The following MPZL1 variants were observed in gnomAD, a reference collection of about 807,000 sequenced individuals.
MPZL1 encodes the protein myelin protein zero like 1, also known as myelin protein zero-like protein 1.
In MPZL1, 16 loss-of-function variants were observed where a neutral mutation model predicts 29.3. The observed-to-expected ratio is 0.55, with a 90% confidence interval of 0.37 to 0.83. MPZL1 has a LOEUF of 0.83. MPZL1 is among the 40% of genes least tolerant of loss of function. The pLI is 0.00. For synonymous variants in MPZL1, 143 were observed against 132.0 expected (o/e 1.08, Z -0.57); for missense variants, 279 against 332.9 (o/e 0.84, Z 1.26).
chr1:167,788,599 G>C lies in MPZL1; in HGVS notation c.*678G>C, dbSNP rs1466107161. 1 of 152,226 alleles carries C rather than the reference G, an allele frequency of 6.6e-6. No homozygotes were observed. The highest frequency in any genetic ancestry group is 1.5e-5 in the Non-Finnish European group (1 of 68,064). 9.4% of individuals were successfully genotyped at this position (152,226 alleles called of 1,614,324 possible). A position where few individuals can be genotyped will look rare whatever the true frequency, so the allele number is the denominator to read the frequency against. On this transcript the variant is annotated 3_prime_UTR_variant, in exon 6 of 6. Transcript: ENST00000359523. ...TCAATTTCTGGATTCATAATAGCAA[G>C]ATTAGCAAAGGATAAATGCCGAAGG...
intron 5 of MPZL1, among the ~76,000 whole-genome samples, chr1:167,786,633 C>A (rs1661599300): frequency 6.6e-6 from 1 of 152,224 alleles, no homozygotes; most frequent in Non-Finnish European, 1.5e-5. Flanking sequence ...ATAGCCCTTA[C>A]AACTGGGCCT....
intron 5 of MPZL1, among the ~76,000 whole-genome samples, chr1:167,786,093 G>A (rs577024016): frequency 5.3e-5 from 8 of 152,264 alleles, no homozygotes; most frequent in East Asian, 1.9e-4. Context: ...ACACCCGGCC[G>A]AAAACAGTCT....
In MPZL1 at chr1:167,777,384, A is replaced by G. The variant is rs141202812; in HGVS notation, c.708+1218A>G. Among the ~76,000 whole-genome samples the G allele has an allele frequency of 2.6e-4, 39 of 152,312 alleles. No individual in the cohort carries two copies. The East Asian group carries it at 4.2e-3, about 17-fold the overall frequency. On this transcript the variant is annotated intron_variant, in intron 5 of 5. Coordinates refer to ENST00000359523, the MANE Select transcript of MPZL1 (RefSeq NM_003953.6). ...ATGCAGCACTGTCATCCCCAAAAGA[A>G]AGGAAACAGACAATGTGAGCCGTGT...
chr1:167,732,902 C>T (rs10918750), intron 1 of MPZL1, among the ~76,000 whole-genome samples: 51,612 of 152,066 alleles, frequency 0.34, 9,509 homozygotes, highest in African/African-American at 0.49. Flanking sequence ...TTTTGGTCCA[C>T]AAAGCTAGTG....
rs575937097 is a variant in MPZL1 at position 167,790,867 on chromosome 1, G to A, written c.*2946G>A. 2.0e-5 allele frequency: 3 copies of A among 152,264 alleles called. No individual in the cohort carries two copies. In the East Asian group the frequency reaches 5.8e-4, roughly 29 times the overall value. The allele number at this position is 152,264 out of a possible 1,614,324, so 9.4% of individuals were successfully genotyped here. A position where few individuals can be genotyped will look rare whatever the true frequency, so the allele number is the denominator to read the frequency against. On this transcript the variant is annotated 3_prime_UTR_variant, in exon 6 of 6. Transcript: ENST00000359523. ...TTGACCAGAATAGAAAAAGAGATAT[G>A]CCTTTCACTCATATCATTCCAGCTA...
chr1:167,777,967 A>G (rs1661407120), intron 5 of MPZL1, among the ~76,000 whole-genome samples: 1 of 152,250 alleles, frequency 6.6e-6, no homozygotes. Context: ...AACACGCTTT[A>G]TGCTACAACA....
At chr1:167,733,325 C>T (rs952067491) in intron 1 of MPZL1, among the ~76,000 whole-genome samples, 2 of 152,176 alleles carry the variant, frequency 1.3e-5, no homozygotes, top group Admixed American at 6.5e-5. Context: ...ACTGCATTTA[C>T]GTGTCCCAAT....
chr1:167,742,107 A>G (rs1208379442), intron 1 of MPZL1, among the ~76,000 whole-genome samples: 1 of 151,980 alleles, frequency 6.6e-6, no homozygotes, highest in Admixed American at 6.6e-5. Flanking sequence ...AGCCTGGCCA[A>G]CATGGCAAAA....
chr1:167,756,117 G>A (rs917755378), intron 1 of MPZL1, among the ~76,000 whole-genome samples: 3 of 152,094 alleles, frequency 2.0e-5, no homozygotes, highest in Non-Finnish European at 2.9e-5. Context: ...AATTGACTCC[G>A]AGAGGGATTT....
intron 1 of MPZL1, among the ~76,000 whole-genome samples, chr1:167,739,455 G>C (rs1349949303): frequency 6.6e-6 from 1 of 151,634 alleles, no homozygotes; most frequent in Non-Finnish European, 1.5e-5. Flanking sequence ...GTGTTACCAT[G>C]CTTTGTTGGT....
intron 5 of MPZL1, among the ~76,000 whole-genome samples, chr1:167,779,392 C>G (rs1661444008): frequency 6.6e-6 from 1 of 151,912 alleles, no homozygotes; most frequent in African/African-American, 2.4e-5. Context: ...CGAAACCAGC[C>G]TGGCCAACGT....
At chr1:167,769,596 G>A (rs897682633) in intron 2 of MPZL1, among the ~76,000 whole-genome samples, 6 of 152,178 alleles carry the variant, frequency 3.9e-5, no homozygotes, top group East Asian at 1.9e-4. Flanking sequence ...ACAGGAGTCC[G>A]TGTCTTCTGT....
intron 2 of MPZL1, among the ~76,000 whole-genome samples, chr1:167,768,192 C>CT (rs1558121665): frequency 2.0e-5 from 3 of 152,152 alleles, no homozygotes; most frequent in Non-Finnish European, 4.4e-5. Context: ...ACCTAGATTC[C>CT]CATTGTGGAC....
intron 1 of MPZL1, among the ~76,000 whole-genome samples, chr1:167,755,167 C>G (rs1224738635): frequency 6.6e-6 from 1 of 152,126 alleles, no homozygotes; most frequent in Non-Finnish European, 1.5e-5. Flanking sequence ...TTTCAGTAGG[C>G]ATCAGTATTT....
intron 2 of MPZL1, among the ~76,000 whole-genome samples, chr1:167,766,295 G>A (rs1661112942): frequency 6.6e-6 from 1 of 152,148 alleles, no homozygotes; most frequent in Non-Finnish European, 1.5e-5. Flanking sequence ...TAAGATAAAG[G>A]ATGTAACAGA....
At chr1:167,740,914 A>G (rs777834624) in intron 1 of MPZL1, among the ~76,000 whole-genome samples, 2 of 152,136 alleles carry the variant, frequency 1.3e-5, no homozygotes, top group Non-Finnish European at 2.9e-5. Context: ...CCCATGTCCA[A>G]TCTAATAGCA....
At chr1:167,775,428 A>G (rs1039945216) in intron 4 of MPZL1, among the ~76,000 whole-genome samples, 11 of 152,292 alleles carry the variant, frequency 7.2e-5, no homozygotes, top group African/African-American at 2.6e-4. Context: ...CATTTATGAG[A>G]TAGTGCTTGT....
intron 1 of MPZL1, among the ~76,000 whole-genome samples, chr1:167,748,861 A>G (rs1660701368): frequency 6.6e-6 from 1 of 152,204 alleles, no homozygotes; most frequent in South Asian, 2.1e-4. Flanking sequence ...TTCCAGCACT[A>G]AAGAACTTCC....
intron 1 of MPZL1, among the ~76,000 whole-genome samples, chr1:167,750,854 T>G (rs1288142736): frequency 6.6e-6 from 1 of 152,232 alleles, no homozygotes; most frequent in Non-Finnish European, 1.5e-5. Context: ...TTTCATCACC[T>G]TTAGTCTGCA....
Sources: gnomAD v4.1 joint callset for allele counts (sites outside exome capture counted in the v4.1 genomes callset) on GRCh38, gnomAD v4.1.1 for gene constraint, MANE v1.5 for transcripts, NCBI Gene and HGNC (gene_info 2026-07-23, HGNC 2026-07-21) for gene names.